The following COL23A1 variants were observed in gnomAD, a reference collection of about 807,000 sequenced individuals.
The protein encoded by COL23A1 is collagen type XXIII alpha 1 chain.
COL23A1 carries 97 observed loss-of-function variants against 99.3 expected under a neutral mutation model. The ratio of observed to expected loss-of-function variants is 0.98; its 90% CI spans 0.83 to 1.16. The LOEUF is 1.16. COL23A1 is among the 50% of genes most tolerant of loss of function. The probability of loss-of-function intolerance (pLI) is 0.00; values close to 1 mark genes in which losing one functional copy is unlikely to be tolerated. For synonymous variants in COL23A1, 320 were observed against 308.2 expected, an observed-to-expected ratio of 1.04 and a Z score of -0.40; for missense variants, 762 against 757.4, an observed-to-expected ratio of 1.01 and a Z score of -0.07.
At chr5:178,530,995 G>A (rs1397529482) in intron 2 of COL23A1, among the ~76,000 whole-genome samples, 1 of 152,146 alleles carries the variant, frequency 6.6e-6, no homozygotes, top group East Asian at 1.9e-4. Flanking sequence ...AGCCTCCCAA[G>A]TAGCTGGGAT....
At position 178,365,821 on chromosome 5, in the gene COL23A1, G is replaced by T. The variant is rs1022997504; in HGVS notation, c.362-58902C>A. 6.6e-6 allele frequency among the ~76,000 whole-genome samples: 1 copy of T among 152,108 alleles called. No homozygotes were observed. ...GGGGCCCACTCCCCCTACCCTCAGC[G>T]CTGGGCACTGGCTTGTGATGGTCTC... is the stretch of plus-strand genomic sequence containing the variant. On this transcript the variant is annotated intron_variant, in intron 2 of 28. Coordinates refer to ENST00000390654, the MANE Select transcript of COL23A1 (RefSeq NM_173465.4). This position sits in a 1 kb window ranked among gnomAD's most constrained non-coding sequence, Gnocchi z 5.2.
intron 2 of COL23A1, among the ~76,000 whole-genome samples, chr5:178,497,834 T>C (rs1278834749): frequency 6.6e-6 from 1 of 151,694 alleles, no homozygotes; most frequent in Non-Finnish European, 1.5e-5. Context: ...TAAGACATAA[T>C]GTGGAAAATA....
chr5:178,475,332 T>A (rs529374897), intron 2 of COL23A1, among the ~76,000 whole-genome samples: 121 of 152,146 alleles, frequency 8.0e-4, no homozygotes, highest in Non-Finnish European at 1.3e-3. Flanking sequence ...GGTGCTGGCA[T>A]GTCCAGGAGG....
At chr5:178,588,426 A>C (rs1206841648) in intron 1 of COL23A1, among the ~76,000 whole-genome samples, 2 of 152,222 alleles carry the variant, frequency 1.3e-5, no homozygotes, top group Non-Finnish European at 2.9e-5. Context: ...GAGGCCTCCT[A>C]TGAGAAAGAG....
intron 2 of COL23A1, among the ~76,000 whole-genome samples, chr5:178,368,338 CAG>C (rs1206654113): frequency 1.3e-5 from 2 of 152,118 alleles, no homozygotes; most frequent in Non-Finnish European, 2.9e-5. Flanking sequence ...GTGGAAAGTG[CAG>C]AGAGTTCCCA....
chr5:178,371,012 C>G (rs917196183), intron 2 of COL23A1, among the ~76,000 whole-genome samples: 5 of 152,090 alleles, frequency 3.3e-5, no homozygotes, highest in African/African-American at 1.2e-4. Flanking sequence ...TTGAAAATTG[C>G]TAAGAATAGA....
intron 2 of COL23A1, among the ~76,000 whole-genome samples, chr5:178,520,986 T>C (rs943349637): frequency 6.6e-6 from 1 of 152,220 alleles, no homozygotes; most frequent in Non-Finnish European, 1.5e-5. Flanking sequence ...CTTCATAGCA[T>C]GTACTTACAC....
rs546474765 is a variant in COL23A1 at position 178,544,476 on chromosome 5, C to G, written c.361+16206G>C. Among the ~76,000 whole-genome samples, 1 of 152,290 alleles carries G rather than the reference C, an allele frequency of 6.6e-6. No homozygotes were observed. Among genetic ancestry groups the G allele is most frequent in the South Asian group, 2.1e-4 (1 of 4,820 alleles). On this transcript the variant is annotated intron_variant, in intron 2 of 28. Coordinates refer to ENST00000390654, the MANE Select transcript of COL23A1 (RefSeq NM_173465.4). This position sits in a 1 kb window ranked among gnomAD's most constrained non-coding sequence, Gnocchi z 4.4. ...GGGAGCAGTCTCCCTCAGATGGGGT[C>G]CCCTGTTCTCTCCACCTGCCCCAGA...
intron 2 of COL23A1, among the ~76,000 whole-genome samples, chr5:178,474,918 G>A (rs532818517): frequency 2.6e-5 from 4 of 152,298 alleles, no homozygotes; most frequent in South Asian, 4.1e-4. Context: ...CAAAGTGTGG[G>A]CAGGGCCCCA....
intron 2 of COL23A1, among the ~76,000 whole-genome samples, chr5:178,518,772 T>C (rs1177257271): frequency 6.7e-6 from 1 of 150,064 alleles, no homozygotes; most frequent in African/African-American, 2.4e-5. Flanking sequence ...ATCTCGGCAC[T>C]TTGGGAGGCC....
intron 2 of COL23A1, among the ~76,000 whole-genome samples, chr5:178,358,040 G>GCGTA (rs1761833186): frequency 7.2e-6 from 1 of 139,832 alleles, no homozygotes; most frequent in African/African-American, 2.5e-5. Context: ...GTATGTGTAT[G>GCGTA]TGTATGTATG....
At chr5:178,391,353 G>A (rs1234020945) in intron 2 of COL23A1, among the ~76,000 whole-genome samples, 3 of 152,200 alleles carry the variant, frequency 2.0e-5, no homozygotes, top group Non-Finnish European at 2.9e-5. Flanking sequence ...TATCCGATAA[G>A]GGACCTGTAA....
chr5:178,566,047 G>C (rs1239239581), intron 1 of COL23A1, among the ~76,000 whole-genome samples: 1 of 151,962 alleles, frequency 6.6e-6, no homozygotes, highest in Non-Finnish European at 1.5e-5. Context: ...AGAATCACTT[G>C]AACCCGGAAG....
rs189906306 is a variant in COL23A1 at position 178,461,127 on chromosome 5, C to G, written c.361+99555G>C. 1.1e-3 allele frequency among the ~76,000 whole-genome samples: 172 copies of G among 152,342 alleles called. 1 individual carries two copies. Among genetic ancestry groups the G allele is most frequent in the African/African-American group, 3.9e-3 (162 of 41,582 alleles). ...ATTGTGCAGAGATGGGAACTGGCTG[C>G]AGCCCAGGAGCCGAATTCCTCGTGC... On this transcript the variant is annotated intron_variant, in intron 2 of 28. Coordinates refer to ENST00000390654, the MANE Select transcript of COL23A1 (RefSeq NM_173465.4).
Position 178,281,019 on chromosome 5 carries a change from G to A in COL23A1, c.441+7305C>T, listed in dbSNP as rs1003029066. 1.3e-5 allele frequency among the ~76,000 whole-genome samples: 2 copies of A among 152,168 alleles called. No homozygotes were observed. Among genetic ancestry groups the A allele is most frequent in the African/African-American group, 2.4e-5 (1 of 41,436 alleles). ...AGAGGCTGGACTCAAGAGACTTAGG[G>A]CCCTGGGGAGAACGGCCAGCATGGT... On this transcript the variant is annotated intron_variant, in intron 5 of 28. Transcript: ENST00000390654. This position sits in a 1 kb window ranked among gnomAD's most constrained non-coding sequence, Gnocchi z 4.0.
chr5:178,361,408 A>G (rs1177757728), intron 2 of COL23A1, among the ~76,000 whole-genome samples: 2 of 152,134 alleles, frequency 1.3e-5, no homozygotes, highest in Admixed American at 1.3e-4. Flanking sequence ...CCTTGCTCTG[A>G]GGAATGATCT....
intron 2 of COL23A1, among the ~76,000 whole-genome samples, chr5:178,398,410 T>G (rs143944600): frequency 0.019 from 2,908 of 152,308 alleles, 36 homozygotes; most frequent in Non-Finnish European, 0.029. Context: ...GCGGATCACA[T>G]TGGGTCAGGA....
At chr5:178,517,193 T>C (rs1479423895) in intron 2 of COL23A1, among the ~76,000 whole-genome samples, 1 of 152,246 alleles carries the variant, frequency 6.6e-6, no homozygotes, top group African/African-American at 2.4e-5. Context: ...ATTCCACTAT[T>C]GTATTCCCAA....
chr5:178,250,177 G>A (rs553732668), intron 17 of COL23A1, 72 bp from the exon 18 acceptor site: 18 of 1,578,164 alleles, frequency 1.1e-5, no homozygotes, highest in South Asian at 1.0e-4. Context: ...CAGAGGGCCA[G>A]GACACACTGT....
Sources: allele counts gnomAD v4.1 joint callset (sites outside exome capture counted in the v4.1 genomes callset), GRCh38; gene constraint gnomAD v4.1.1; non-coding constraint Gnocchi (gnomAD v3.1); transcripts MANE v1.5; gene names NCBI Gene and HGNC (gene_info 2026-07-23, HGNC 2026-07-21).